ACSS3: variants seen among roughly 807,000 people sequenced by gnomAD.
ACSS3 encodes the protein acyl-CoA synthetase short chain family member 3.
In ACSS3, 64 loss-of-function variants were observed where a neutral mutation model predicts 84.2. The ratio of observed to expected loss-of-function variants is 0.76; its 90% CI spans 0.62 to 0.94. The LOEUF (loss-of-function observed/expected upper bound fraction) is 0.94, where lower values mean the gene tolerates loss of function less well. ACSS3 is among the 40% of genes least tolerant of loss of function. ACSS3 has a pLI of 0.00. For synonymous variants in ACSS3, 317 were observed against 310.1 expected (o/e 1.02, Z -0.23); for missense variants, 815 against 867.6 (o/e 0.94, Z 0.76).
intron 8 of ACSS3, among the ~76,000 whole-genome samples, chr12:81,182,049 C>T (rs190117923): frequency 1.7e-4 from 26 of 152,192 alleles, no homozygotes; most frequent in Non-Finnish European, 3.5e-4. Flanking sequence ...TATGGATATT[C>T]AGATCCCTAA....
intron 7 of ACSS3, among the ~76,000 whole-genome samples, chr12:81,163,338 A>G (rs1158263477): frequency 1.3e-5 from 2 of 152,332 alleles, no homozygotes; most frequent in East Asian, 1.9e-4. Context: ...GAAATTTCCT[A>G]TCATCATAAT....
chr12:81,168,044 T>C (rs1359918237), intron 7 of ACSS3, among the ~76,000 whole-genome samples: 1 of 152,152 alleles, frequency 6.6e-6, no homozygotes, highest in Non-Finnish European at 1.5e-5. Flanking sequence ...CTTATGAAAA[T>C]GGTGATTCCA....
intron 5 of ACSS3, among the ~76,000 whole-genome samples, chr12:81,149,144 TGAA>T (rs1327021535): frequency 6.6e-6 from 1 of 151,984 alleles, no homozygotes; most frequent in East Asian, 1.9e-4. Context: ...AAGACTAAAA[TGAA>T]GAAGGTTTGT....
At chr12:81,105,493 T>C (rs931883918) in intron 1 of ACSS3, among the ~76,000 whole-genome samples, 1 of 152,128 alleles carries the variant, frequency 6.6e-6, no homozygotes, top group African/African-American at 2.4e-5. Context: ...AGTTTAGACA[T>C]CTAGACTTGG....
At chr12:81,145,067 A>ATTTTTTTTTT (rs35753293) in intron 5 of ACSS3, among the ~76,000 whole-genome samples, 102 of 100,848 alleles carry the variant, frequency 1.0e-3, no homozygotes, top group East Asian at 2.4e-3. Flanking sequence ...CGCCTGGCTA[A>ATTTTTTTTTT]TTTTTTTTTT....
intron 2 of ACSS3, among the ~76,000 whole-genome samples, chr12:81,132,130 T>C (rs552085613): frequency 3.3e-4 from 51 of 152,334 alleles, no homozygotes; most frequent in South Asian, 4.1e-4. Context: ...ATCAGGATGA[T>C]ACTGGCCTCA....
At chr12:81,232,281 A>C (rs1211751827) in intron 12 of ACSS3, among the ~76,000 whole-genome samples, 1 of 151,724 alleles carries the variant, frequency 6.6e-6, no homozygotes, top group Non-Finnish European at 1.5e-5. Flanking sequence ...TAACACTAAA[A>C]GCTCCCTCAA....
chr12:81,152,082 A>G lies in ACSS3; in HGVS notation c.1084A>G (p.Thr362Ala), dbSNP rs1886639313. Reference sequence around the variant, plus strand: ...TGGACCTCTTCTTCATGGGAACACAACAGTTTTATATGAGGTAATAAAGTA... The same window carrying G: ...TGGACCTCTTCTTCATGGGAACACAGCAGTTTTATATGAGGTAATAAAGTA... ...CYGPLLHGNT[T>A]VLYEGKPVGT... The change falls in exon 7 of 16, where the codon ACA (threonine) becomes GCA (alanine). Residue 362 changes from threonine (T) to alanine (A), a missense_variant. By Grantham distance (58) the Thr-to-Ala change is moderately conservative. Coordinates refer to ENST00000548058, the MANE Select transcript of ACSS3 (RefSeq NM_024560.4). 3 of 1,611,874 alleles carry G rather than the reference A, an allele frequency of 1.9e-6. No individual in the cohort carries two copies. The highest frequency in any genetic ancestry group is 2.5e-6 in the Non-Finnish European group (3 of 1,178,954).
Position 81,258,203 on chromosome 12 carries a change from C to A in ACSS3, c.*3281C>A, listed in dbSNP as rs1370872801. ...TTTGGGTCACCCAAAGAACACATTTCCTGATAGTTTAAGTAAATTGTCGAG... is the reference window on the plus strand; with the variant it reads ...TTTGGGTCACCCAAAGAACACATTTACTGATAGTTTAAGTAAATTGTCGAG... On this transcript the variant is annotated 3_prime_UTR_variant, in exon 16 of 16. Transcript: ENST00000548058. 1 of 152,036 alleles carries A rather than the reference C, an allele frequency of 6.6e-6. No individual in the cohort carries two copies. The highest frequency in any genetic ancestry group is 1.5e-5 in the Non-Finnish European group (1 of 68,002). 9.4% of individuals were successfully genotyped at this position (152,036 alleles called of 1,614,324 possible). A position where few individuals can be genotyped will look rare whatever the true frequency, so the allele number is the denominator to read the frequency against.
Position 81,254,971 on chromosome 12 carries a change from A to G in ACSS3, c.*49A>G, listed in dbSNP as rs768667517. On this transcript the variant is annotated 3_prime_UTR_variant, in exon 16 of 16. Transcript: ENST00000548058. ...GAGTTGATTTAATTTCTTAATTGAA[A>G]TTAAATTATTTGAGTTGTTTCTCAG... The G allele has an allele frequency of 1.4e-6, 2 of 1,408,040 alleles. No individual in the cohort carries two copies. The highest frequency in any genetic ancestry group is 1.3e-5 in the South Asian group (1 of 74,920). The allele number at this position is 1,408,040 out of a possible 1,614,324, so 87.2% of individuals were successfully genotyped here.
At chr12:81,197,124 A>G (rs2031874348) in intron 8 of ACSS3, among the ~76,000 whole-genome samples, 1 of 152,132 alleles carries the variant, frequency 6.6e-6, no homozygotes, top group South Asian at 2.1e-4. Flanking sequence ...CAATTTAACT[A>G]AAACCTTTTT....
At chr12:81,106,060 A>G (rs889470808) in intron 1 of ACSS3, among the ~76,000 whole-genome samples, 1 of 152,142 alleles carries the variant, frequency 6.6e-6, no homozygotes, top group African/African-American at 2.4e-5. Context: ...TGGGTTTTGA[A>G]TGTCATCTAA....
intron 2 of ACSS3, among the ~76,000 whole-genome samples, chr12:81,122,912 TA>T (rs748877452): frequency 1.3e-5 from 2 of 152,158 alleles, no homozygotes; most frequent in African/African-American, 2.4e-5. Context: ...TGTTATGTTT[TA>T]AAAAATCATT....
chr12:81,208,260 T>A (rs2032432354), intron 9 of ACSS3, among the ~76,000 whole-genome samples: 1 of 152,134 alleles, frequency 6.6e-6, no homozygotes, highest in South Asian at 2.1e-4. Context: ...GACTACCGAC[T>A]TCTAAATCCA....
chr12:81,209,340 G>A (rs897158371), intron 9 of ACSS3, among the ~76,000 whole-genome samples: 1 of 149,580 alleles, frequency 6.7e-6, no homozygotes, highest in African/African-American at 2.5e-5. Flanking sequence ...TTTTAAAAAG[G>A]TTATATAACA....
chr12:81,188,745 GTTTA>G (rs1174263319), intron 8 of ACSS3, among the ~76,000 whole-genome samples: 2 of 152,020 alleles, frequency 1.3e-5, no homozygotes, highest in Non-Finnish European at 2.9e-5. Flanking sequence ...GAGTATTTCA[GTTTA>G]TTTACCTATT....
chr12:81,176,492 T>A (rs771622851), intron 8 of ACSS3, among the ~76,000 whole-genome samples: 66 of 152,014 alleles, frequency 4.3e-4, no homozygotes, highest in Admixed American at 7.9e-4. Context: ...GAGAATTGCT[T>A]GAACCCAGGA....
chr12:81,135,341 TTATATATCACATATATAA>T (rs1419888737), intron 3 of ACSS3, among the ~76,000 whole-genome samples: 2 of 142,854 alleles, frequency 1.4e-5, no homozygotes, highest in South Asian at 2.1e-4. Context: ...TTATAATATA[TTATATATCACATATATAA>T]TATATATCAC....
At chr12:81,131,860 C>T (rs761243322) in intron 2 of ACSS3, among the ~76,000 whole-genome samples, 2 of 152,210 alleles carry the variant, frequency 1.3e-5, no homozygotes, top group East Asian at 1.9e-4. Flanking sequence ...GTGTCAAAGG[C>T]CTTTTTTGCA....
Sources: allele counts gnomAD v4.1 joint callset (sites outside exome capture counted in the v4.1 genomes callset), GRCh38; gene constraint gnomAD v4.1.1; transcripts MANE v1.5; gene names NCBI Gene and HGNC (gene_info 2026-07-23, HGNC 2026-07-21).